The following DLC1 variants were observed in gnomAD, a reference collection of about 807,000 sequenced individuals.
The protein encoded by DLC1 is DLC1 Rho GTPase activating protein.
A neutral mutation model predicts 140.3 loss-of-function variants in DLC1; 54 were observed. That is an observed-to-expected ratio of 0.38 (90% CI 0.31 to 0.48). DLC1 has a LOEUF of 0.48. Among genes scored for constraint, DLC1 ranks in the 20% least tolerant of loss-of-function variants. DLC1 has a pLI of 0.96. For synonymous variants in DLC1, 986 were observed against 728.1 expected (o/e 1.35, Z -5.70); for missense variants, 2,536 against 1,907.0 (o/e 1.33, Z -6.14).
At chr8:13,436,835 T>C (rs1839141551) in intron 2 of DLC1, among the ~76,000 whole-genome samples, 1 of 152,218 alleles carries the variant, frequency 6.6e-6, no homozygotes, top group Admixed American at 6.5e-5. Context: ...ATTTGACTAC[T>C]GGGTGCTCAC....
chr8:13,521,247 G>A (rs546647039), intron 1 of DLC1, among the ~76,000 whole-genome samples: 1 of 152,086 alleles, frequency 6.6e-6, no homozygotes, highest in African/African-American at 2.4e-5. Context: ...ACTGGGGCCT[G>A]TTGGAGGGGC....
At chr8:13,104,055 G>C (rs973686535) in intron 7 of DLC1, among the ~76,000 whole-genome samples, 7 of 152,074 alleles carry the variant, frequency 4.6e-5, no homozygotes, top group African/African-American at 1.7e-4. Context: ...AAATTTTAGA[G>C]TCCTTGCACA....
intron 2 of DLC1, among the ~76,000 whole-genome samples, chr8:13,448,893 C>T (rs890461869): frequency 1.3e-5 from 2 of 151,974 alleles, no homozygotes; most frequent in African/African-American, 2.4e-5. Context: ...CAAGGAAACA[C>T]CAGTTTTCGG....
At position 13,329,515 on chromosome 8, in the gene DLC1, T is replaced by C. The variant is rs543665254; in HGVS notation, c.1315-24213A>G. Among the ~76,000 whole-genome samples, 74 of 152,244 alleles carry C rather than the reference T, an allele frequency of 4.9e-4. 1 individual carries two copies. The highest frequency in any genetic ancestry group is 1.6e-3 in the African/African-American group (66 of 41,538). On this transcript the variant is annotated intron_variant, in intron 4 of 17. Coordinates refer to ENST00000276297, the MANE Select transcript of DLC1 (RefSeq NM_182643.3). ...TAAATTCTATCAATAGCTACCTCCT[T>C]CCCATCACAACTACAGTTCAGGGAA...
chr8:13,251,167 A>G (rs766204074), intron 5 of DLC1, among the ~76,000 whole-genome samples: 1 of 152,098 alleles, frequency 6.6e-6, no homozygotes, highest in Admixed American at 6.5e-5. Flanking sequence ...TTGTGAGGAC[A>G]CTATTCTTAT....
At chr8:13,097,828 C>T (rs1818632432) in intron 10 of DLC1, among the ~76,000 whole-genome samples, 1 of 151,882 alleles carries the variant, frequency 6.6e-6, no homozygotes, top group South Asian at 2.1e-4. Context: ...CTCAATCAAC[C>T]CACCCACGCT....
intron 5 of DLC1, among the ~76,000 whole-genome samples, chr8:13,294,170 C>T (rs1215009961): frequency 6.6e-6 from 1 of 152,162 alleles, no homozygotes; most frequent in African/African-American, 2.4e-5. Flanking sequence ...CATAGTTTGG[C>T]TTCATCAGAA....
At chr8:13,367,317 G>A (rs1253253198) in intron 4 of DLC1, among the ~76,000 whole-genome samples, 1 of 152,112 alleles carries the variant, frequency 6.6e-6, no homozygotes, top group Non-Finnish European at 1.5e-5. Context: ...TGAACTGTGA[G>A]GAAACCTAAC....
chr8:13,142,217 T>G (rs952564255), intron 5 of DLC1, among the ~76,000 whole-genome samples: 1 of 152,210 alleles, frequency 6.6e-6, no homozygotes, highest in East Asian at 1.9e-4. Flanking sequence ...CCACTTTCCT[T>G]TATAAATTAC....
intron 1 of DLC1, among the ~76,000 whole-genome samples, chr8:13,562,991 C>G (rs535970012): frequency 5.3e-5 from 8 of 151,554 alleles, no homozygotes; most frequent in East Asian, 1.9e-4. Flanking sequence ...GTATGAGAGA[C>G]GTATTTATAT....
intron 5 of DLC1, among the ~76,000 whole-genome samples, chr8:13,235,570 A>T (rs935513828): frequency 2.6e-4 from 39 of 152,080 alleles, no homozygotes; most frequent in African/African-American, 8.2e-4. Context: ...ATGAAAACAG[A>T]TGAGACATGG....
chr8:13,434,904 T>G (rs1322334703), intron 2 of DLC1, among the ~76,000 whole-genome samples: 2 of 152,126 alleles, frequency 1.3e-5, no homozygotes, highest in Non-Finnish European at 2.9e-5. Flanking sequence ...GGTCTTGAAC[T>G]CCTGAGCTCA....
At chr8:13,517,936 T>C (rs1802642973), upstream of DLC1, among the ~76,000 whole-genome samples, 1 of 152,212 alleles carries the variant, frequency 6.6e-6, no homozygotes, top group Admixed American at 6.5e-5. Flanking sequence ...TTTTTAATGT[T>C]TACATCTCTC....
At chr8:13,381,475 A>G (rs1430150587) in intron 4 of DLC1, among the ~76,000 whole-genome samples, 1 of 152,164 alleles carries the variant, frequency 6.6e-6, no homozygotes, top group African/African-American at 2.4e-5. Flanking sequence ...GGTTCATATG[A>G]CCAGTAGAAT....
At chr8:13,156,119 A>G (rs977426326) in intron 5 of DLC1, among the ~76,000 whole-genome samples, 13 of 152,216 alleles carry the variant, frequency 8.5e-5, no homozygotes, top group African/African-American at 3.1e-4. Flanking sequence ...ATGTGGCGAC[A>G]GTATTCAAGA....
intron 5 of DLC1, among the ~76,000 whole-genome samples, chr8:13,283,293 AACACACACAC>A (rs58438325): frequency 6.9e-6 from 1 of 145,028 alleles, no homozygotes; most frequent in Non-Finnish European, 1.5e-5. Context: ...ATCCTACTGA[AACACACACAC>A]ACACACACAC....
At chr8:13,091,116 A>T (rs529299385) in intron 14 of DLC1, among the ~76,000 whole-genome samples, 40 of 152,298 alleles carry the variant, frequency 2.6e-4, no homozygotes, top group African/African-American at 9.1e-4. Context: ...CTGCTTTTCC[A>T]AGTAAAGGGA....
At chr8:13,527,328 T>C (rs893331052) in intron 1 of DLC1, among the ~76,000 whole-genome samples, 2 of 152,206 alleles carry the variant, frequency 1.3e-5, no homozygotes, top group Non-Finnish European at 2.9e-5. Flanking sequence ...TTTCTCAATA[T>C]GATTTTTCTC....
intron 2 of DLC1, among the ~76,000 whole-genome samples, chr8:13,453,326 G>A (rs1799155964): frequency 7.3e-6 from 1 of 137,568 alleles, no homozygotes; most frequent in Non-Finnish European, 1.5e-5. Flanking sequence ...GGTGTTTTTG[G>A]TAATAATTAT....
Sources: gnomAD v4.1 joint callset for allele counts (sites outside exome capture counted in the v4.1 genomes callset) on GRCh38, gnomAD v4.1.1 for gene constraint, MANE v1.5 for transcripts, NCBI Gene and HGNC (gene_info 2026-07-23, HGNC 2026-07-21) for gene names.